SLC12A9: variants seen among roughly 807,000 people sequenced by gnomAD.
SLC12A9 encodes the protein CCC-interacting protein 1.
A neutral mutation model predicts 66.0 loss-of-function variants in SLC12A9; 55 were observed. The ratio of observed to expected loss-of-function variants is 0.83; its 90% CI spans 0.67 to 1.04. SLC12A9 has a LOEUF of 1.04. Among genes scored for constraint, SLC12A9 ranks in the 50% least tolerant of loss-of-function variants. The pLI, the probability that SLC12A9 is intolerant of heterozygous loss-of-function variation, is 0.00. For missense variants in SLC12A9, 1,061 were observed against 1,241.9 expected (o/e 0.85, Z 2.19); for synonymous variants, 577 against 569.0 (o/e 1.01, Z -0.20).
chr7:100,854,805 G>T, intron 3 of SLC12A9, 51 bp downstream of exon 3: 3 of 1,605,436 alleles, frequency 1.9e-6, no homozygotes, highest in Non-Finnish European at 2.6e-6. Flanking sequence ...GCCTGCTAGG[G>T]AGGGTGTGGA....
At chr7:100,864,408 C>A (rs1448436534) in intron 13 of SLC12A9, among the ~76,000 whole-genome samples, 2 of 152,112 alleles carry the variant, frequency 1.3e-5, no homozygotes, top group Non-Finnish European at 2.9e-5. Context: ...CAACCTATTC[C>A]AATAAAAGGA....
chr7:100,844,718 C>T (rs774976895), intron 1 of SLC12A9, among the ~76,000 whole-genome samples: 14 of 152,130 alleles, frequency 9.2e-5, no homozygotes, highest in Non-Finnish European at 1.6e-4. Context: ...AACCAATCCC[C>T]TTGATCCTCG....
At chr7:100,840,150 A>G (rs1813753249) in intron 1 of SLC12A9, among the ~76,000 whole-genome samples, 1 of 152,166 alleles carries the variant, frequency 6.6e-6, no homozygotes, top group Admixed American at 6.5e-5. Context: ...GCAAACTGCG[A>G]AAGTGTGTGT....
intron 1 of SLC12A9, among the ~76,000 whole-genome samples, chr7:100,839,698 G>C (rs1257577851): frequency 6.6e-6 from 1 of 152,174 alleles, no homozygotes; most frequent in Non-Finnish European, 1.5e-5. Context: ...AGGAAGGAAC[G>C]GGCACTTAGA....
upstream of SLC12A9, among the ~76,000 whole-genome samples, chr7:100,850,453 T>C (rs2116561402): frequency 6.6e-6 from 1 of 152,010 alleles, no homozygotes; most frequent in East Asian, 1.9e-4. Context: ...TTGCCCAGGC[T>C]GGTCTTGAAC....
upstream of SLC12A9, among the ~76,000 whole-genome samples, chr7:100,850,823 T>G (rs314368): frequency 0.49 from 73,506 of 150,904 alleles, 18,431 homozygotes; most frequent in East Asian, 0.8. Context: ...GTGTTCAAGC[T>G]ATTCTCCTGC....
chr7:100,833,645 G>GA (rs1813586745), intron 1 of SLC12A9, among the ~76,000 whole-genome samples: 1 of 151,696 alleles, frequency 6.6e-6, no homozygotes, highest in South Asian at 2.1e-4. Context: ...CAGCTCTAAA[G>GA]AAAAAATAGC....
At chr7:100,828,328 CAGG>C in intron 1 of SLC12A9, among the ~76,000 whole-genome samples, 1 of 151,806 alleles carries the variant, frequency 6.6e-6, no homozygotes, top group East Asian at 2.0e-4. Context: ...CATTTGAGGT[CAGG>C]AGTTCAAGAC....
At chr7:100,864,537 C>CAGCCTAGTTCAAGGG (rs11267282) in intron 13 of SLC12A9, among the ~76,000 whole-genome samples, 1 of 151,910 alleles carries the variant, frequency 6.6e-6, no homozygotes, top group Admixed American at 6.6e-5. Context: ...CCTGTAAACT[C>CAGCCTAGTTCAAGGG]AGCAATTATC....
At chr7:100,831,237 AGTGCAAAG>A (rs1813537646) in intron 1 of SLC12A9, among the ~76,000 whole-genome samples, 1 of 152,166 alleles carries the variant, frequency 6.6e-6, no homozygotes, top group African/African-American at 2.4e-5. Flanking sequence ...CCCAGGCTGG[AGTGCAAAG>A]GTGCGATCTC....
intron 1 of SLC12A9, among the ~76,000 whole-genome samples, chr7:100,840,944 G>A (rs1052705951): frequency 6.6e-6 from 1 of 151,696 alleles, no homozygotes; most frequent in East Asian, 1.9e-4. Flanking sequence ...GTGACCCGCG[G>A]ATGGCCCAAA....
chr7:100,833,637 G>C (rs1813586569), intron 1 of SLC12A9, among the ~76,000 whole-genome samples: 1 of 151,686 alleles, frequency 6.6e-6, no homozygotes. Context: ...TGAGACCCCA[G>C]CTCTAAAGAA....
intron 1 of SLC12A9, among the ~76,000 whole-genome samples, chr7:100,841,961 A>G (rs879838239): frequency 6.6e-6 from 1 of 152,162 alleles, no homozygotes; most frequent in Non-Finnish European, 1.5e-5. Context: ...CTCAAAAACT[A>G]AAAGTCTTTT....
intron 1 of SLC12A9, among the ~76,000 whole-genome samples, chr7:100,843,064 G>A (rs1813819871): frequency 6.6e-6 from 1 of 152,264 alleles, no homozygotes; most frequent in South Asian, 2.1e-4. Context: ...TTATTAATCA[G>A]TCAGCCCTTG....
chr7:100,860,182 C>T lies in SLC12A9; in HGVS notation c.1168C>T (p.Arg390Ter), dbSNP rs1404400087. ...VILAPAKVVS[R>*]GGNPWAAVLY... ...CTTGGCACCGGCCAAGGTTGTGTCC[C>T]GAGGGGGAAACCCCTGGGCAGCTGT... The change falls in exon 9 of 14, where the codon CGA becomes TGA. Residue 390 changes from arginine (R) to a stop codon, truncating the protein, a stop_gained. Transcript: ENST00000354161. LOFTEE classifies it high-confidence loss of function. The T allele has an allele frequency of 9.3e-6, 15 of 1,614,076 alleles. No individual in the cohort carries two copies. The East Asian group carries it at 2.2e-4, about 24-fold the overall frequency.
At chr7:100,837,815 T>C (rs1813692911) in intron 1 of SLC12A9, among the ~76,000 whole-genome samples, 1 of 151,876 alleles carries the variant, frequency 6.6e-6, no homozygotes. Context: ...TGAGCCAATT[T>C]TATTTCATCT....
intron 1 of SLC12A9, among the ~76,000 whole-genome samples, chr7:100,835,686 C>T (rs1813641898): frequency 6.6e-6 from 1 of 152,044 alleles, no homozygotes. Context: ...AACACACATA[C>T]ACAAAAGAGT....
chr7:100,852,239 C>A (rs1287472108), upstream of SLC12A9, among the ~76,000 whole-genome samples: 1 of 152,186 alleles, frequency 6.6e-6, no homozygotes, highest in Non-Finnish European at 1.5e-5. Flanking sequence ...GCAGCTGGAT[C>A]GGGCGCGAAG....
In SLC12A9 at chr7:100,856,865, C is replaced by A; in HGVS notation, c.449-3C>A. On this transcript the variant is annotated splice_polypyrimidine_tract_variant and splice_region_variant and intron_variant, in intron 4 of 13. Transcript: ENST00000354161. ...TTCTAACTCTGTCCCTACCTCTCTC[C>A]AGATGCCACAGGGCCCAGTGGGCTC... 6.3e-7 allele frequency: 1 copy of A among 1,584,292 alleles called. No individual in the cohort carries two copies. Among genetic ancestry groups the A allele is most frequent in the Non-Finnish European group, 8.6e-7 (1 of 1,166,976 alleles).
Sources: gnomAD v4.1 joint callset for allele counts (sites outside exome capture counted in the v4.1 genomes callset) on GRCh38, gnomAD v4.1.1 for gene constraint, MANE v1.5 for transcripts, NCBI Gene and HGNC (gene_info 2026-07-23, HGNC 2026-07-21) for gene names.